The following SLC44A5 variants were observed in gnomAD, a reference collection of about 807,000 sequenced individuals.
SLC44A5 encodes the protein solute carrier family 44 member 5.
In SLC44A5, 57 loss-of-function variants were observed where a neutral mutation model predicts 101.8. The ratio of observed to expected loss-of-function variants is 0.56; its 90% CI spans 0.45 to 0.70. The LOEUF is 0.70. Ranked by LOEUF, SLC44A5 falls within the 30% of genes least tolerant of loss-of-function variation. The probability of loss-of-function intolerance (pLI) is 0.00; values close to 1 mark genes in which losing one functional copy is unlikely to be tolerated. For missense variants in SLC44A5, 737 were observed against 853.1 expected, an observed-to-expected ratio of 0.86 and a Z score of 1.70; for synonymous variants, 281 against 290.9, an observed-to-expected ratio of 0.97 and a Z score of 0.35.
chr1:75,370,650 C>T (rs1660163490), intron 3 of SLC44A5, among the ~76,000 whole-genome samples: 1 of 152,186 alleles, frequency 6.6e-6, no homozygotes, highest in African/African-American at 2.4e-5. Flanking sequence ...GTACTCAAAA[C>T]ATTCCACAAA....
chr1:75,617,077 A>C, the SLC44A5 span, among the ~76,000 whole-genome samples: 1 of 152,184 alleles, frequency 6.6e-6, no homozygotes, highest in Non-Finnish European at 1.5e-5. Context: ...GTTTAAGAAT[A>C]TAAAGGAGTA....
chr1:75,664,929 G>GAAAAAAAA, the SLC44A5 span, among the ~76,000 whole-genome samples: 3 of 130,190 alleles, frequency 2.3e-5, no homozygotes, highest in African/African-American at 2.6e-5. Context: ...TCAAAAAAAA[G>GAAAAAAAA]AAAAAAAAAA....
intron 2 of SLC44A5, among the ~76,000 whole-genome samples, chr1:75,530,329 A>G (rs1223927832): frequency 2.0e-5 from 3 of 152,188 alleles, no homozygotes; most frequent in African/African-American, 7.2e-5. Context: ...GTGAAGCTTC[A>G]TGTCCAGGAG....
chr1:75,215,812 C>T lies in SLC44A5; in HGVS notation c.1670G>A (p.Cys557Tyr). 1.2e-6 allele frequency: 2 copies of T among 1,609,022 alleles called. No homozygotes were observed. Among genetic ancestry groups the T allele is most frequent in the Non-Finnish European group, 1.7e-6 (2 of 1,175,904 alleles). Reference protein sequence around the residue: ...LSKFLQCCLRCCFWCLENAIK... With the variant: ...LSKFLQCCLRYCFWCLENAIK... ...TGCATTTTCCAAACACCAGAAGCAG[C>T]ATCTCAGGCAGCATTGTAGGAATTT... The change falls in exon 19 of 24, where the codon TGC becomes TAC. Residue 557 changes from cysteine to tyrosine, a missense_variant. This residue lies in a region of SLC44A5 where 665 missense variants were observed against 764.4 expected (regional missense o/e 0.87). Transcript: ENST00000370859.
intron 1 of SLC44A5, among the ~76,000 whole-genome samples, chr1:75,597,521 G>A (rs1256880905): frequency 6.6e-6 from 1 of 152,078 alleles, no homozygotes; most frequent in Non-Finnish European, 1.5e-5. Flanking sequence ...TAAAGCTGGA[G>A]GCATCATGCT....
intron 5 of SLC44A5, among the ~76,000 whole-genome samples, chr1:75,291,312 T>A (rs1653523738): frequency 6.6e-6 from 1 of 152,198 alleles, no homozygotes; most frequent in South Asian, 2.1e-4. Context: ...CTTCATTCAT[T>A]GTACAAATAA....
At chr1:75,691,306 GA>G in the SLC44A5 span, among the ~76,000 whole-genome samples, 1 of 152,156 alleles carries the variant, frequency 6.6e-6, no homozygotes, top group East Asian at 1.9e-4. Flanking sequence ...ATAGCAATGA[GA>G]TTTTTGAGTC....
intron 1 of SLC44A5, chr1:75,582,097 T>C (rs934777334): frequency 2.8e-6 from 2 of 724,760 alleles, no homozygotes; most frequent in African/African-American, 1.7e-5. Context: ...AGTGCAGACA[T>C]GGCCAAGTCC....
the SLC44A5 span, chr1:75,641,592 G>A: frequency 6.6e-7 from 1 of 1,512,734 alleles, no homozygotes; most frequent in Admixed American, 1.7e-5. Context: ...CCTTCAATCA[G>A]ATTACATTCT....
chr1:75,336,197 C>T (rs2101019357), intron 4 of SLC44A5, among the ~76,000 whole-genome samples: 1 of 152,046 alleles, frequency 6.6e-6, no homozygotes, highest in East Asian at 1.9e-4. Flanking sequence ...TCTCTGTCAC[C>T]CAGGCTGGAG....
chr1:75,669,367 A>G, the SLC44A5 span, among the ~76,000 whole-genome samples: 1 of 152,130 alleles, frequency 6.6e-6, no homozygotes, highest in African/African-American at 2.4e-5. Flanking sequence ...CTCTACATCT[A>G]GTCTCCATTC....
Position 75,436,852 on chromosome 1 carries a change from T to G in SLC44A5, c.14-40231A>C, listed in dbSNP as rs193186443. Among the ~76,000 whole-genome samples the G allele has an allele frequency of 2.0e-3, 309 of 152,278 alleles. 1 individual carries two copies. Among genetic ancestry groups the G allele is most frequent in the Non-Finnish European group, 2.1e-3 (146 of 68,006 alleles). On this transcript the variant is annotated intron_variant, in intron 2 of 23. Coordinates refer to ENST00000370859, the MANE Select transcript of SLC44A5 (RefSeq NM_001130058.2). ...TTAGCTTTCTTCTATTTTTAAATTTTTTATTGCTTTTTTAAAACTTTTTAA... is the reference window on the plus strand; with the variant it reads ...TTAGCTTTCTTCTATTTTTAAATTTGTTATTGCTTTTTTAAAACTTTTTAA...
the SLC44A5 span, chr1:75,710,561 C>CCAA: frequency 3.2e-5 from 1 of 31,510 alleles, no homozygotes; most frequent in Non-Finnish European, 5.9e-5. Flanking sequence ...GAGACCCTAC[C>CCAA]TAAAAAAAAA....
intron 1 of SLC44A5, among the ~76,000 whole-genome samples, chr1:75,592,795 C>T (rs547931930): frequency 6.6e-6 from 1 of 151,964 alleles, no homozygotes; most frequent in Middle Eastern, 3.2e-3. Flanking sequence ...TATCTATATA[C>T]AGAAGAATGA....
At position 75,219,251 on chromosome 1, in the gene SLC44A5, A is replaced by G. The variant is rs746104073; in HGVS notation, c.1266+6T>C. The G allele has an allele frequency of 1.3e-6, 2 of 1,586,786 alleles. No individual in the cohort carries two copies. Among genetic ancestry groups the G allele is most frequent in the South Asian group, 2.2e-5 (2 of 90,558 alleles). ...GTAAGTAAATGAAAGAGTTTCTTGT[A>G]CTTACCTCTGGGTCACAGGTTTGAT... On this transcript the variant is annotated splice_donor_region_variant and intron_variant, in intron 16 of 23. Coordinates refer to ENST00000370859, the MANE Select transcript of SLC44A5 (RefSeq NM_001130058.2).
chr1:75,665,273 C>T, the SLC44A5 span, among the ~76,000 whole-genome samples: 16 of 152,148 alleles, frequency 1.1e-4, no homozygotes, highest in Non-Finnish European at 1.8e-4. Context: ...GCCAATTGAA[C>T]AGACTGGAGG....
At chr1:75,216,082 T>C (rs183944780) in intron 18 of SLC44A5, among the ~76,000 whole-genome samples, 1 of 152,128 alleles carries the variant, frequency 6.6e-6, no homozygotes, top group East Asian at 1.9e-4. Context: ...AACTTTAAAA[T>C]CTCAAACACA....
At chr1:75,429,166 T>TA in intron 2 of SLC44A5, among the ~76,000 whole-genome samples, 1 of 152,284 alleles carries the variant, frequency 6.6e-6, no homozygotes. Context: ...TTTAAACAAC[T>TA]AACTACTTCC....
At chr1:75,297,482 G>C in intron 5 of SLC44A5, among the ~76,000 whole-genome samples, 1 of 151,994 alleles carries the variant, frequency 6.6e-6, no homozygotes, top group Non-Finnish European at 1.5e-5. Context: ...ACAGGATTTT[G>C]CCATGTTGCC....
Sources: allele counts gnomAD v4.1 joint callset (sites outside exome capture counted in the v4.1 genomes callset), GRCh38; gene constraint gnomAD v4.1.1; regional missense constraint gnomAD v4.1.1; transcripts MANE v1.5; gene names NCBI Gene and HGNC (gene_info 2026-07-23, HGNC 2026-07-21).